Variants in TM4SF4 observed in about 807,000 individuals in gnomAD.
The protein encoded by TM4SF4 is transmembrane 4 L6 family member 4.
In TM4SF4, 24 loss-of-function variants were observed where a neutral mutation model predicts 24.1. That is an observed-to-expected ratio of 1.00 (90% CI 0.72 to 1.40). The LOEUF (loss-of-function observed/expected upper bound fraction) is 1.40, where lower values mean the gene tolerates loss of function less well. Among genes scored for constraint, TM4SF4 ranks in the 40% most tolerant of loss-of-function variants. The pLI, the probability that TM4SF4 is intolerant of heterozygous loss-of-function variation, is 0.00. For synonymous variants in TM4SF4, 113 were observed against 97.0 expected (o/e 1.17, Z -0.97); for missense variants, 254 against 254.2 (o/e 1.00, Z 0.01).
intron 3 of TM4SF4, among the ~76,000 whole-genome samples, chr3:149,489,321 G>A (rs1734171238): frequency 6.6e-6 from 1 of 152,186 alleles, no homozygotes; most frequent in Admixed American, 6.5e-5. Flanking sequence ...TTTCTTCAAG[G>A]AGCCCTCTAT....
intron 2 of TM4SF4, among the ~76,000 whole-genome samples, chr3:149,486,570 G>A (rs901251753): frequency 2.0e-5 from 3 of 152,078 alleles, no homozygotes; most frequent in African/African-American, 7.2e-5. Context: ...AACCTAGCTG[G>A]GTTCCAGGAT....
chr3:149,476,051 T>C, intron 2 of TM4SF4, 139 bp downstream of exon 2: 2 of 693,458 alleles, frequency 2.9e-6, no homozygotes, highest in Non-Finnish European at 5.1e-6. Flanking sequence ...AAAACTGTGA[T>C]TTTTCCTGCC....
At chr3:149,481,903 G>T (rs1734040572) in intron 2 of TM4SF4, among the ~76,000 whole-genome samples, 1 of 152,220 alleles carries the variant, frequency 6.6e-6, no homozygotes, top group Non-Finnish European at 1.5e-5. Context: ...TCTCTCCAGA[G>T]TTATGCTCTC....
chr3:149,485,493 T>C (rs894831127), intron 2 of TM4SF4, among the ~76,000 whole-genome samples: 2 of 152,232 alleles, frequency 1.3e-5, no homozygotes, highest in African/African-American at 4.8e-5. Flanking sequence ...ATGCAACAAG[T>C]CATTATCCAG....
chr3:149,487,711 A>T lies in TM4SF4; in HGVS notation c.357A>T (p.Lys119Asn). Residue 119 changes from lysine (K) to asparagine (N), a missense_variant, in exon 3 of 5, where the codon AAA becomes AAT. Physicochemically the swap from Lys to Asn is moderately conservative, Grantham distance 94. Coordinates refer to ENST00000305354, the MANE Select transcript of TM4SF4 (RefSeq NM_004617.4). ...CCATTTCAATCAACAAGGGTCCTAA[A>T]TGCCTCATGGCCAATAGTACATGGG... ...ISAISINKGP[K>N]CLMANSTWGY... 1.2e-6 allele frequency: 2 copies of T among 1,614,022 alleles called. No homozygotes were observed. Among genetic ancestry groups the T allele is most frequent in the Non-Finnish European group, 1.7e-6 (2 of 1,179,888 alleles).
chr3:149,478,998 C>T (rs1733983598), intron 2 of TM4SF4, among the ~76,000 whole-genome samples: 1 of 152,206 alleles, frequency 6.6e-6, no homozygotes, highest in South Asian at 2.1e-4. Flanking sequence ...AACTCCTGAC[C>T]TCAGGTGATC....
At chr3:149,475,769 C>A in intron 1 of TM4SF4, 54 bp from the exon 2 acceptor site, 5 of 1,489,196 alleles carry the variant, frequency 3.4e-6, no homozygotes, top group Non-Finnish European at 4.6e-6. Flanking sequence ...CAGGCAGGCT[C>A]GGGCCCTCCC....
At chr3:149,497,275 G>C (rs2107876037) in intron 3 of TM4SF4, among the ~76,000 whole-genome samples, 1 of 152,260 alleles carries the variant, frequency 6.6e-6, no homozygotes, top group Admixed American at 6.5e-5. Context: ...CCTAAGATAT[G>C]ATAATGTAAC....
chr3:149,500,262 A>C (rs574041726), intron 4 of TM4SF4, among the ~76,000 whole-genome samples: 22 of 152,218 alleles, frequency 1.4e-4, no homozygotes, highest in Non-Finnish European at 2.4e-4. Context: ...TAAAACAAAA[A>C]ACTAAAGGAA....
chr3:149,492,157 A>C (rs1734221433), intron 3 of TM4SF4, among the ~76,000 whole-genome samples: 1 of 152,176 alleles, frequency 6.6e-6, no homozygotes, highest in Non-Finnish European at 1.5e-5. Flanking sequence ...ATTGGGGCTC[A>C]AAAAAGACAA....
At chr3:149,502,118 G>A (rs573109045) in intron 4 of TM4SF4, among the ~76,000 whole-genome samples, 1 of 152,296 alleles carries the variant, frequency 6.6e-6, no homozygotes, top group Non-Finnish European at 1.5e-5. Flanking sequence ...AGGTAGCATA[G>A]CTTCAAGTTT....
chr3:149,477,089 T>G (rs945949514), intron 2 of TM4SF4, among the ~76,000 whole-genome samples: 1 of 152,156 alleles, frequency 6.6e-6, no homozygotes, highest in Non-Finnish European at 1.5e-5. Context: ...TGTGAGGCAC[T>G]GTGCCCAGTC....
At chr3:149,476,035 A>G (rs1387896195) in intron 2 of TM4SF4, 123 bp downstream of exon 2, 12 of 802,932 alleles carry the variant, frequency 1.5e-5, no homozygotes, top group Non-Finnish European at 2.5e-5. Flanking sequence ...CAGCTGGTGA[A>G]GGGATAAAAC....
chr3:149,489,138 C>T (rs1310579942), intron 3 of TM4SF4, among the ~76,000 whole-genome samples: 2 of 152,210 alleles, frequency 1.3e-5, no homozygotes, highest in African/African-American at 4.8e-5. Flanking sequence ...GAAAAGCCCT[C>T]TTATCATGCA....
intron 3 of TM4SF4, among the ~76,000 whole-genome samples, chr3:149,490,177 A>T (rs575477637): frequency 1.1e-4 from 16 of 152,214 alleles, no homozygotes; most frequent in Admixed American, 4.6e-4. Flanking sequence ...GGATGGGCCC[A>T]GGTTTCACTG....
At chr3:149,476,185 A>G (rs1476639994) in intron 2 of TM4SF4, among the ~76,000 whole-genome samples, 1 of 152,234 alleles carries the variant, frequency 6.6e-6, no homozygotes, top group African/African-American at 2.4e-5. Context: ...GGTCCCATAT[A>G]CAGAATGCAA....
At chr3:149,487,966 T>C (rs998646023) in intron 3 of TM4SF4, among the ~76,000 whole-genome samples, 2 of 152,140 alleles carry the variant, frequency 1.3e-5, no homozygotes, top group Non-Finnish European at 2.9e-5. Flanking sequence ...CCAGGAGAAA[T>C]AACTAAAAGA....
At chr3:149,487,855 A>G in intron 3 of TM4SF4, 100 bp downstream of exon 3, 1 of 1,507,132 alleles carries the variant, frequency 6.6e-7, no homozygotes, top group Non-Finnish European at 9.0e-7. Flanking sequence ...CTTCATCCTT[A>G]TGCAAGCCTC....
At chr3:149,502,610 G>C in intron 4 of TM4SF4, 66 bp from the exon 5 acceptor site, 2 of 1,106,692 alleles carry the variant, frequency 1.8e-6, no homozygotes, top group Non-Finnish European at 1.4e-6. Flanking sequence ...GGATGGGAAG[G>C]AGGGGAAAAG....
Sources: allele counts gnomAD v4.1 joint callset (sites outside exome capture counted in the v4.1 genomes callset), GRCh38; gene constraint gnomAD v4.1.1; transcripts MANE v1.5; gene names NCBI Gene and HGNC (gene_info 2026-07-23, HGNC 2026-07-21).